Variants in CTIF observed in about 807,000 individuals in gnomAD.
CTIF encodes the protein cap binding complex dependent translation initiation factor.
CTIF carries 21 observed loss-of-function variants against 66.0 expected under a neutral mutation model. That is an observed-to-expected ratio of 0.32 (90% CI 0.23 to 0.46). CTIF has a LOEUF of 0.46. Among genes scored for constraint, CTIF ranks in the 20% least tolerant of loss-of-function variants. The pLI is 1.00. For missense variants in CTIF, 739 were observed against 812.7 expected (o/e 0.91, Z 1.10); for synonymous variants, 345 against 326.4 (o/e 1.06, Z -0.62).
intron 1 of CTIF, among the ~76,000 whole-genome samples, chr18:48,613,806 G>A (rs2090351095): frequency 1.3e-5 from 2 of 152,334 alleles, no homozygotes; most frequent in East Asian, 3.9e-4. Flanking sequence ...TCTGGGGCAG[G>A]TCCTGCTGCA....
At chr18:48,703,511 T>A (rs1346924697) in intron 6 of CTIF, among the ~76,000 whole-genome samples, 1 of 152,256 alleles carries the variant, frequency 6.6e-6, no homozygotes, top group Non-Finnish European at 1.5e-5. Context: ...TAATGCTTTC[T>A]TCCTTTTCAA....
At chr18:48,829,625 T>G (rs2068649912) in intron 10 of CTIF, among the ~76,000 whole-genome samples, 1 of 152,194 alleles carries the variant, frequency 6.6e-6, no homozygotes, top group South Asian at 2.1e-4. Context: ...ATCTAGCAGT[T>G]GGGGTGCCGA....
intron 9 of CTIF, among the ~76,000 whole-genome samples, chr18:48,776,541 G>A (rs1910696425): frequency 6.6e-6 from 1 of 152,272 alleles, no homozygotes; most frequent in Non-Finnish European, 1.5e-5. Context: ...TCTGAAGCCA[G>A]CCCCTCAACT....
chr18:48,583,347 C>T (rs1778300269), intron 1 of CTIF, among the ~76,000 whole-genome samples: 1 of 152,126 alleles, frequency 6.6e-6, no homozygotes, highest in Admixed American at 6.5e-5. Context: ...TAATGAATGC[C>T]CTGTTATCTT....
At chr18:48,598,637 G>A (rs188958360) in intron 1 of CTIF, among the ~76,000 whole-genome samples, 3 of 152,290 alleles carry the variant, frequency 2.0e-5, no homozygotes, top group Admixed American at 1.3e-4. Flanking sequence ...GCCATGAAAC[G>A]GTGAAACGGC....
chr18:48,763,084 G>A (rs1293843570), intron 9 of CTIF, among the ~76,000 whole-genome samples: 2 of 152,246 alleles, frequency 1.3e-5, no homozygotes, highest in Non-Finnish European at 2.9e-5. Flanking sequence ...GAATGTCCTG[G>A]GAGCGTGTGG....
chr18:48,837,161 C>T (rs543197287), intron 10 of CTIF, among the ~76,000 whole-genome samples: 8 of 152,214 alleles, frequency 5.3e-5, no homozygotes, highest in South Asian at 2.1e-4. Context: ...TCTCCTTTCC[C>T]GGGGCCTCCC....
At chr18:48,709,331 G>A (rs1250224971) in intron 6 of CTIF, among the ~76,000 whole-genome samples, 1 of 152,228 alleles carries the variant, frequency 6.6e-6, no homozygotes, top group Non-Finnish European at 1.5e-5. Flanking sequence ...ACCTAACAGT[G>A]GCTTCATGAG....
chr18:48,644,935 G>A lies in CTIF; in HGVS notation c.252+8250G>A, dbSNP rs1458198234. Among the ~76,000 whole-genome samples the A allele has an allele frequency of 2.6e-5, 4 of 152,164 alleles. 1 individual carries two copies. The highest frequency in any genetic ancestry group is 4.4e-5 in the Non-Finnish European group (3 of 68,034). On this transcript the variant is annotated intron_variant, in intron 3 of 11. Coordinates refer to ENST00000256413, the MANE Select transcript of CTIF (RefSeq NM_014772.3). ...TTGGATCCAAACTTACTATTGGATC[G>A]TGGATAAGATACATTATCTCACTGC... is the stretch of plus-strand genomic sequence containing the variant.
intron 7 of CTIF, among the ~76,000 whole-genome samples, chr18:48,722,940 A>C (rs2145584878): frequency 6.6e-6 from 1 of 152,332 alleles, no homozygotes; most frequent in East Asian, 1.9e-4. Context: ...CCTGGATGTC[A>C]CTCAGCAATT....
At chr18:48,714,720 T>C (rs1020670291) in intron 7 of CTIF, among the ~76,000 whole-genome samples, 8 of 152,204 alleles carry the variant, frequency 5.3e-5, no homozygotes, top group African/African-American at 1.9e-4. Flanking sequence ...GCAAGCTGAA[T>C]TATATAGCAG....
At chr18:48,653,068 C>T (rs1050020844) in intron 3 of CTIF, among the ~76,000 whole-genome samples, 1 of 152,132 alleles carries the variant, frequency 6.6e-6, no homozygotes, top group African/African-American at 2.4e-5. Context: ...AAAACTGGCA[C>T]AAGACAGGGA....
At chr18:48,700,197 G>A (rs529467744) in intron 6 of CTIF, among the ~76,000 whole-genome samples, 1 of 152,344 alleles carries the variant, frequency 6.6e-6, no homozygotes, top group South Asian at 2.1e-4. Context: ...TTTTATAAAG[G>A]GGAGTTCCCC....
intron 9 of CTIF, among the ~76,000 whole-genome samples, chr18:48,765,966 T>A (rs1206547844): frequency 2.0e-5 from 3 of 148,862 alleles, no homozygotes; most frequent in Non-Finnish European, 3.0e-5. Flanking sequence ...TTCTTTTTTT[T>A]ATATACTTTA....
At chr18:48,747,954 A>G (rs1475998354) in intron 7 of CTIF, among the ~76,000 whole-genome samples, 1 of 151,298 alleles carries the variant, frequency 6.6e-6, no homozygotes, top group East Asian at 1.9e-4. Flanking sequence ...TATTATTATT[A>G]TTTAACAAAA....
At position 48,593,192 on chromosome 18, in the gene CTIF, A is replaced by G. The variant is rs755023875; in HGVS notation, c.-28-26346A>G. 3.3e-5 allele frequency among the ~76,000 whole-genome samples: 5 copies of G among 152,230 alleles called. No individual in the cohort carries two copies. The East Asian group carries it at 7.7e-4, about 23-fold the overall frequency. ...TGTACAGTTGGCAGAAATGCCCGGG[A>G]GACCCTCAGCTGGGGAACGCACCCA... On this transcript the variant is annotated intron_variant, in intron 1 of 11. Coordinates refer to ENST00000256413, the MANE Select transcript of CTIF (RefSeq NM_014772.3).
chr18:48,760,734 T>A (rs565647121), intron 8 of CTIF: 1 of 152,306 alleles, frequency 6.6e-6, no homozygotes, highest in Admixed American at 6.5e-5. Context: ...CTGTAGGGCT[T>A]TTTACTTGTA....
At chr18:48,693,629 A>G (rs2091964472) in intron 6 of CTIF, among the ~76,000 whole-genome samples, 1 of 152,172 alleles carries the variant, frequency 6.6e-6, no homozygotes, top group South Asian at 2.1e-4. Context: ...TCCAAGGCAG[A>G]AAACCAGCAC....
chr18:48,782,862 G>A (rs1402392594), intron 9 of CTIF, among the ~76,000 whole-genome samples: 6 of 152,144 alleles, frequency 3.9e-5, no homozygotes, highest in East Asian at 1.9e-4. Context: ...CCTGTGGCCC[G>A]GGGCAGCTGC....
Sources: allele counts gnomAD v4.1 joint callset (sites outside exome capture counted in the v4.1 genomes callset), GRCh38; gene constraint gnomAD v4.1.1; transcripts MANE v1.5; gene names NCBI Gene and HGNC (gene_info 2026-07-23, HGNC 2026-07-21).